Variants in NRG1 observed in about 807,000 individuals in gnomAD.
NRG1 encodes pro-neuregulin-1, membrane-bound isoform.
In NRG1, 18 loss-of-function variants were observed where a neutral mutation model predicts 63.8. That is an observed-to-expected ratio of 0.28 (90% CI 0.19 to 0.42). The LOEUF is 0.42. Ranked by LOEUF, NRG1 falls within the 10% of genes least tolerant of loss-of-function variation. The pLI is 1.00. For synonymous variants in NRG1, 302 were observed against 301.3 expected (o/e 1.00, Z -0.02); for missense variants, 762 against 814.7 (o/e 0.94, Z 0.79).
intron 1 of NRG1, among the ~76,000 whole-genome samples, chr8:31,979,265 A>G (rs144627059): frequency 5.2e-4 from 79 of 152,248 alleles, no homozygotes; most frequent in African/African-American, 1.8e-3. Flanking sequence ...GTGAATGGAA[A>G]CAGGATAATG....
chr8:31,874,865 T>C (rs1445490889), intron 1 of NRG1, among the ~76,000 whole-genome samples: 3 of 150,888 alleles, frequency 2.0e-5, no homozygotes, highest in East Asian at 2.0e-4. Flanking sequence ...AACAGGGAAA[T>C]CCTTTGTGAT....
chr8:32,629,190 A>G (rs1849828665), intron 5 of NRG1, among the ~76,000 whole-genome samples: 2 of 152,208 alleles, frequency 1.3e-5, no homozygotes, highest in African/African-American at 4.8e-5. Context: ...TTGTCCAATC[A>G]AGGAGTAAAA....
At chr8:32,162,847 G>A (rs1374072741) in intron 1 of NRG1, among the ~76,000 whole-genome samples, 2 of 152,136 alleles carry the variant, frequency 1.3e-5, no homozygotes, top group African/African-American at 4.8e-5. Context: ...CACCTGCTGG[G>A]TAAAATCTTT....
chr8:32,253,938 G>C (rs767172825), intron 1 of NRG1, among the ~76,000 whole-genome samples: 15 of 151,972 alleles, frequency 9.9e-5, no homozygotes, highest in Non-Finnish European at 1.9e-4. Context: ...GTGTCTAGGA[G>C]TTTATCAATT....
chr8:32,677,499 A>G (rs561667265), intron 5 of NRG1, among the ~76,000 whole-genome samples: 1 of 152,148 alleles, frequency 6.6e-6, no homozygotes, highest in East Asian at 1.9e-4. Context: ...TCTACAAAAT[A>G]TACAAAAAAT....
intron 1 of NRG1, among the ~76,000 whole-genome samples, chr8:32,120,569 T>C (rs1833308516): frequency 6.6e-6 from 1 of 152,222 alleles, no homozygotes; most frequent in African/African-American, 2.4e-5. Flanking sequence ...CTTTCTTTCT[T>C]CAAATGTTAA....
At chr8:32,308,264 C>T (rs534723817) in intron 1 of NRG1, among the ~76,000 whole-genome samples, 2 of 152,316 alleles carry the variant, frequency 1.3e-5, no homozygotes, top group East Asian at 3.9e-4. Context: ...CCACAGTGAT[C>T]TTTAAAATTC....
At chr8:31,752,881 A>G (rs924974530) in intron 1 of NRG1, among the ~76,000 whole-genome samples, 1 of 152,126 alleles carries the variant, frequency 6.6e-6, no homozygotes, top group Admixed American at 6.6e-5. Context: ...AACACTTATC[A>G]TAAGATTATT....
intron 1 of NRG1, among the ~76,000 whole-genome samples, chr8:32,070,128 A>C (rs1279462269): frequency 6.6e-6 from 1 of 152,170 alleles, no homozygotes; most frequent in Non-Finnish European, 1.5e-5. Flanking sequence ...TTTAAGTATG[A>C]AGGTAGTAAA....
At chr8:32,095,552 A>G (rs552326499) in intron 1 of NRG1, among the ~76,000 whole-genome samples, 2 of 152,306 alleles carry the variant, frequency 1.3e-5, no homozygotes, top group African/African-American at 4.8e-5. Flanking sequence ...CATCTTTTTA[A>G]TTGTCCATAT....
intron 1 of NRG1, among the ~76,000 whole-genome samples, chr8:31,737,595 C>T (rs1216594567): frequency 6.6e-6 from 1 of 152,114 alleles, no homozygotes; most frequent in Non-Finnish European, 1.5e-5. Flanking sequence ...CCACATATGA[C>T]AAAAATCTAC....
chr8:31,962,055 A>G (rs1563622313), intron 1 of NRG1, among the ~76,000 whole-genome samples: 1 of 152,170 alleles, frequency 6.6e-6, no homozygotes, highest in African/African-American at 2.4e-5. Context: ...AAAGCTGGTT[A>G]CTAAGATGTT....
At chr8:31,763,384 C>G (rs1232309033) in intron 1 of NRG1, among the ~76,000 whole-genome samples, 3 of 152,150 alleles carry the variant, frequency 2.0e-5, no homozygotes, top group African/African-American at 4.8e-5. Context: ...AACAATTTGT[C>G]ATTGCCGTTT....
In NRG1 at chr8:32,456,266, A is replaced by T. The variant is rs115300239; in HGVS notation, c.38-139562A>T. 3.1e-3 allele frequency among the ~76,000 whole-genome samples: 477 copies of T among 152,356 alleles called. 3 individuals are homozygous for T. Among genetic ancestry groups the T allele is most frequent in the African/African-American group, 0.011 (456 of 41,586 alleles). On this transcript the variant is annotated intron_variant, in intron 1 of 10. Coordinates refer to the NRG1 transcript ENST00000519301. ...CATTTTACACCCTTCCTTTTCACAA[A>T]AATCTCACAGTATTTTCTGACTTAT...
chr8:31,689,661 A>G (rs1014969050), intron 1 of NRG1, among the ~76,000 whole-genome samples: 8 of 152,154 alleles, frequency 5.3e-5, no homozygotes, highest in Admixed American at 3.3e-4. Context: ...GATGGGGGCT[A>G]TATACTTTAA....
At chr8:31,931,599 T>C (rs940529558) in intron 1 of NRG1, among the ~76,000 whole-genome samples, 4 of 152,208 alleles carry the variant, frequency 2.6e-5, no homozygotes, top group African/African-American at 7.2e-5. Context: ...ATGTACTTAA[T>C]AATTATTGTC....
At chr8:32,481,209 G>C (rs1038899650) in intron 1 of NRG1, among the ~76,000 whole-genome samples, 4 of 152,026 alleles carry the variant, frequency 2.6e-5, no homozygotes, top group Non-Finnish European at 5.9e-5. Context: ...TGGGTATGTG[G>C]GGGGTGCACA....
At chr8:32,571,211 A>G (rs893493612) in intron 1 of NRG1, among the ~76,000 whole-genome samples, 1 of 152,192 alleles carries the variant, frequency 6.6e-6, no homozygotes, top group Non-Finnish European at 1.5e-5. Flanking sequence ...TACATTTGAA[A>G]CTAGTAATAA....
chr8:32,352,490 C>T (rs759638927), intron 1 of NRG1, among the ~76,000 whole-genome samples: 1 of 149,798 alleles, frequency 6.7e-6, no homozygotes, highest in Admixed American at 6.7e-5. Context: ...AAGACCCAAA[C>T]TTTTCTCACT....
Sources: gnomAD v4.1 joint callset for allele counts (sites outside exome capture counted in the v4.1 genomes callset) on GRCh38, gnomAD v4.1.1 for gene constraint, MANE v1.5 for transcripts, NCBI Gene and HGNC (gene_info 2026-07-23, HGNC 2026-07-21) for gene names.